The following ZYG11B variants were observed in gnomAD, a reference collection of about 807,000 sequenced individuals.
ZYG11B encodes zyg-11 family member B, cell cycle regulator, also known as protein zyg-11 homolog B.
ZYG11B carries 36 observed loss-of-function variants against 82.4 expected under a neutral mutation model. The observed-to-expected ratio is 0.44, with a 90% CI of 0.33 to 0.58. The LOEUF is 0.58. ZYG11B is among the 20% of genes least tolerant of loss of function. ZYG11B has a pLI of 0.02. For missense variants in ZYG11B, 552 were observed against 895.6 expected, an observed-to-expected ratio of 0.62 and a Z score of 4.90; for synonymous variants, 303 against 312.8, an observed-to-expected ratio of 0.97 and a Z score of 0.33.
At chr1:52,759,490 C>G (rs112409663) in intron 2 of ZYG11B, among the ~76,000 whole-genome samples, 1,792 of 152,294 alleles carry the variant, frequency 0.012, 38 homozygotes, top group African/African-American at 0.042. Flanking sequence ...CTTTGAGAAG[C>G]TACATGCTTG....
At position 52,726,497 on chromosome 1, in the gene ZYG11B, G is replaced by GGCTGCT. The variant is rs1215722067; in HGVS notation, c.-156_-151dup. On this transcript the variant is annotated 5_prime_UTR_variant, in exon 1 of 14. Coordinates refer to ENST00000294353, the MANE Select transcript of ZYG11B (RefSeq NM_024646.3). The stretch of plus-strand genomic sequence containing the variant: ...GGGCTGCGGCTGCGGCTGCGGCTGC[G>GGCTGCT]GCTGCTACTGCTACGCTCCTAGCTT... The GGCTGCT allele has an allele frequency of 6.6e-6, 4 of 605,046 alleles. No homozygotes were observed. The highest frequency in any genetic ancestry group is 9.5e-6 in the Non-Finnish European group (4 of 420,816). 37.5% of individuals were successfully genotyped at this position (605,046 alleles called of 1,614,324 possible).
chr1:52,762,493 G>T (rs895058344), intron 2 of ZYG11B, among the ~76,000 whole-genome samples: 16 of 151,834 alleles, frequency 1.1e-4, no homozygotes, highest in Admixed American at 3.3e-4. Flanking sequence ...ACAGGCATGA[G>T]CCACCGTGCC....
At chr1:52,735,766 G>C (rs1418296055) in intron 1 of ZYG11B, among the ~76,000 whole-genome samples, 1 of 152,026 alleles carries the variant, frequency 6.6e-6, no homozygotes, top group Non-Finnish European at 1.5e-5. Context: ...TCGAACTCCT[G>C]ACCTCAAGTG....
At chr1:52,803,421 G>C (rs556949394) in intron 10 of ZYG11B, among the ~76,000 whole-genome samples, 1 of 133,724 alleles carries the variant, frequency 7.5e-6, no homozygotes, top group East Asian at 2.2e-4. Context: ...TGGACAATAA[G>C]AGCGAAACTC....
Position 52,757,983 on chromosome 1 carries a change from C to T in ZYG11B, c.196+1360C>T, listed in dbSNP as rs193179093. Among the ~76,000 whole-genome samples, 161 of 151,538 alleles carry T rather than the reference C, an allele frequency of 1.1e-3. 1 individual carries two copies. Among genetic ancestry groups the T allele is most frequent in the African/African-American group, 3.5e-3 (143 of 41,336 alleles). ...TTGGGAGGTCAAGGTGGGCGGATCA[C>T]GAGGTCAGGAGTTCGAGACCAGCCT... On this transcript the variant is annotated intron_variant, in intron 2 of 13. Coordinates refer to ENST00000294353, the MANE Select transcript of ZYG11B (RefSeq NM_024646.3).
intron 2 of ZYG11B, among the ~76,000 whole-genome samples, chr1:52,768,464 C>G (rs929463663): frequency 2.0e-5 from 3 of 152,078 alleles, no homozygotes; most frequent in Admixed American, 6.6e-5. Context: ...ATCTATGGCT[C>G]TAGCTATTTC....
chr1:52,817,645 CA>C (rs1645237025), intron 13 of ZYG11B, among the ~76,000 whole-genome samples: 1 of 150,556 alleles, frequency 6.6e-6, no homozygotes, highest in Non-Finnish European at 1.5e-5. Flanking sequence ...CTCTTCCTCC[CA>C]AAGTGCTGGC....
chr1:52,781,853 C>A (rs1291550996), intron 4 of ZYG11B, among the ~76,000 whole-genome samples: 1 of 151,906 alleles, frequency 6.6e-6, no homozygotes, highest in Non-Finnish European at 1.5e-5. Flanking sequence ...ACATTTTAGT[C>A]CTTAGGATAT....
intron 10 of ZYG11B, chr1:52,805,394 A>G: frequency 2.2e-6 from 1 of 447,792 alleles, no homozygotes; most frequent in Non-Finnish European, 4.5e-6. Flanking sequence ...TATATAAGGT[A>G]GAAAATGGAA....
At chr1:52,766,914 G>T (rs61768345) in intron 2 of ZYG11B, among the ~76,000 whole-genome samples, 8 of 151,948 alleles carry the variant, frequency 5.3e-5, no homozygotes, top group African/African-American at 1.9e-4. Flanking sequence ...AGGCTGAGGC[G>T]GGAGAATGGT....
chr1:52,734,461 C>T lies in ZYG11B; in HGVS notation c.30+7778C>T, dbSNP rs563156575. Among the ~76,000 whole-genome samples the T allele has an allele frequency of 7.4e-5, 11 of 148,404 alleles. No homozygotes were observed. The East Asian group carries it at 9.9e-4, about 13-fold the overall frequency. On this transcript the variant is annotated intron_variant, in intron 1 of 13. Transcript: ENST00000294353. ...AAAGGTTTTTTTTTTTAAAGAGTCT[C>T]AATCTGTTGCCATCTCAAAAAAAAA... is the stretch of plus-strand genomic sequence containing the variant.
chr1:52,752,437 G>C (rs567698213), intron 1 of ZYG11B, among the ~76,000 whole-genome samples: 3 of 152,120 alleles, frequency 2.0e-5, no homozygotes, highest in Non-Finnish European at 4.4e-5. Context: ...GGGTGATTTT[G>C]TGGATGCATT....
intron 1 of ZYG11B, among the ~76,000 whole-genome samples, chr1:52,733,057 G>C (rs1458105769): frequency 6.6e-6 from 1 of 152,106 alleles, no homozygotes; most frequent in Non-Finnish European, 1.5e-5. Context: ...TGTATACAAA[G>C]ACAGAATTAT....
At chr1:52,783,989 T>C (rs1644890194) in intron 4 of ZYG11B, among the ~76,000 whole-genome samples, 1 of 144,618 alleles carries the variant, frequency 6.9e-6, no homozygotes, top group African/African-American at 2.7e-5. Flanking sequence ...CACACACATA[T>C]ATATATATAG....
intron 6 of ZYG11B, among the ~76,000 whole-genome samples, chr1:52,793,231 C>T (rs942572983): frequency 3.3e-5 from 5 of 151,952 alleles, no homozygotes; most frequent in South Asian, 2.1e-4. Flanking sequence ...TTAGGCCAGG[C>T]GCAGTGGCTC....
At chr1:52,761,560 A>G (rs1012138358) in intron 2 of ZYG11B, among the ~76,000 whole-genome samples, 8 of 152,324 alleles carry the variant, frequency 5.3e-5, no homozygotes, top group African/African-American at 1.9e-4. Flanking sequence ...ATGTATGTAC[A>G]CCACATGTTC....
chr1:52,817,229 A>G (rs922582336), intron 13 of ZYG11B, among the ~76,000 whole-genome samples: 1 of 152,190 alleles, frequency 6.6e-6, no homozygotes, highest in African/African-American at 2.4e-5. Context: ...TTTGTTGAGT[A>G]AAAGGTCTTA....
chr1:52,771,037 A>T lies in ZYG11B; in HGVS notation c.214A>T (p.Thr72Ser). 6.2e-7 allele frequency: 1 copy of T among 1,612,678 alleles called. No individual in the cohort carries two copies. Among genetic ancestry groups the T allele is most frequent in the Non-Finnish European group, 8.5e-7 (1 of 1,178,952 alleles). ...MAFHGLLNDGTVGIFRGNQMR... is the reference protein window; with the variant it reads ...MAFHGLLNDGSVGIFRGNQMR... ...TTCCACAGGTCTATTGAATGATGGA[A>T]CTGTGGGTATTTTTAGGGGCAACCA... is the stretch of plus-strand genomic sequence containing the variant. The change falls in exon 3 of 14, where the codon ACT (threonine) becomes TCT (serine). Residue 72 changes from threonine (T) to serine (S), a missense_variant. Transcript: ENST00000294353. The surrounding 1 kb of genome is among the most constrained non-coding windows in gnomAD (Gnocchi z 5.4).
chr1:52,807,832 T>G (rs1645153458), intron 10 of ZYG11B, among the ~76,000 whole-genome samples: 1 of 152,212 alleles, frequency 6.6e-6, no homozygotes, highest in Non-Finnish European at 1.5e-5. Context: ...TAACATTTCT[T>G]ACAGTGTGGA....
Sources: allele counts gnomAD v4.1 joint callset (sites outside exome capture counted in the v4.1 genomes callset), GRCh38; gene constraint gnomAD v4.1.1; non-coding constraint Gnocchi (gnomAD v3.1); transcripts MANE v1.5; gene names NCBI Gene and HGNC (gene_info 2026-07-23, HGNC 2026-07-21).